The following MRPL58 variants were observed in gnomAD, a reference collection of about 807,000 sequenced individuals.
MRPL58 encodes mitochondrial ribosomal protein L58, also known as large ribosomal subunit protein mL62.
In MRPL58, 17 loss-of-function variants were observed where a neutral mutation model predicts 26.0. That is an observed-to-expected ratio of 0.65 (90% CI 0.45 to 0.98). The LOEUF (loss-of-function observed/expected upper bound fraction) is 0.98. Ranked by LOEUF, MRPL58 falls within the 50% of genes least tolerant of loss-of-function variation. The pLI is 0.00. For missense variants in MRPL58, 250 were observed against 269.0 expected (o/e 0.93, Z 0.49); for synonymous variants, 100 against 99.7 (o/e 1.00, Z -0.02).
chr17:75,018,099 T>G (rs1321926881), intron 2 of MRPL58, among the ~76,000 whole-genome samples: 1 of 152,202 alleles, frequency 6.6e-6, no homozygotes, highest in South Asian at 2.1e-4. Context: ...CTGTGCCGTG[T>G]GCCACGTGAG....
intron 1 of MRPL58, among the ~76,000 whole-genome samples, chr17:75,014,281 G>A (rs1412200565): frequency 6.9e-6 from 1 of 145,326 alleles, no homozygotes; most frequent in Non-Finnish European, 1.5e-5. Context: ...CGCCTCCCGG[G>A]TTCACGCCAT....
In MRPL58 at chr17:75,020,901, T is replaced by G. The variant is rs373121501; in HGVS notation, c.537-20T>G. On this transcript the variant is annotated intron_variant, in intron 5 of 5. Transcript: ENST00000301585. ...CACTGATTGGGCATCTGGGGCTAAT[T>G]GCAGTCTTTTTGTTTTCAGGATAGA... is the stretch of plus-strand genomic sequence containing the variant. 5 of 1,591,924 alleles carry G rather than the reference T, an allele frequency of 3.1e-6. No individual in the cohort carries two copies. In the African/African-American group the frequency reaches 5.4e-5, roughly 17 times the overall value.
In MRPL58 at chr17:75,021,225, C is replaced by T; in HGVS notation, c.*220C>T. 1 of 558,550 alleles carries T rather than the reference C, an allele frequency of 1.8e-6. No individual in the cohort carries two copies. Among genetic ancestry groups the T allele is most frequent in the Admixed American group, 3.1e-5 (1 of 32,136 alleles). The allele number at this position is 558,550 out of a possible 1,614,324, so 34.6% of individuals were successfully genotyped here. On this transcript the variant is annotated 3_prime_UTR_variant, in exon 6 of 6. Coordinates refer to ENST00000301585, the MANE Select transcript of MRPL58 (RefSeq NM_001545.3). ...ACCATGTTGTCAAACCTTAATAATG[C>T]ACCTCATGTATTAGTCACAATAAAA...
At chr17:75,020,778 G>A in intron 5 of MRPL58, 121 bp downstream of exon 5, 1 of 1,271,914 alleles carries the variant, frequency 7.9e-7, no homozygotes, top group Non-Finnish European at 1.1e-6. Context: ...GAAGAGGAGA[G>A]GATGCTGACC....
intron 2 of MRPL58, 79 bp from the exon 3 acceptor site, chr17:75,019,621 C>A: frequency 7.3e-7 from 1 of 1,375,894 alleles, no homozygotes; most frequent in Non-Finnish European, 1.0e-6. Context: ...ACCTTCCCTA[C>A]ATTCCTCAGA....
chr17:75,016,985 T>C, intron 1 of MRPL58, 93 bp from the exon 2 acceptor site: 2 of 910,988 alleles, frequency 2.2e-6, no homozygotes, highest in African/African-American at 1.6e-5. Flanking sequence ...AATGTTTGTG[T>C]TGTGGCTTTA....
rs1008677203 is a variant in MRPL58, at chr17:75,012,819, C to T, written c.133C>T (p.Leu45=). The T allele has an allele frequency of 3.1e-6, 5 of 1,612,526 alleles. No individual in the cohort carries two copies. Among genetic ancestry groups the T allele is most frequent in the Non-Finnish European group, 3.4e-6 (4 of 1,179,700 alleles). Residue 45 remains leucine (L), a synonymous_variant, in exon 1 of 6, where the codon CTG becomes TTG. Coordinates refer to ENST00000301585, the MANE Select transcript of MRPL58 (RefSeq NM_001545.3). The stretch of plus-strand genomic sequence containing the variant: ...CACTGAGTTCAAGAGCATCTACAGC[C>T]TGGACAAGCTCTACCCCGAATCTCA... ...DGTEFKSIYS[L]DKLYPESQGS...
chr17:75,014,178 CCTTTTTTTT>C (rs1470429035), intron 1 of MRPL58, among the ~76,000 whole-genome samples: 2,928 of 126,642 alleles, frequency 0.023, 78 homozygotes, highest in African/African-American at 0.083. Context: ...AAGTCTGGGG[CCTTTTTTTT>C]TTTTTTTTTT....
intron 1 of MRPL58, among the ~76,000 whole-genome samples, chr17:75,016,371 G>A (rs768503674): frequency 7.2e-5 from 11 of 151,932 alleles, no homozygotes; most frequent in Non-Finnish European, 7.4e-5. Context: ...AGCTGAGATC[G>A]CACTATTGTA....
chr17:75,020,982 A>C lies in MRPL58; in HGVS notation c.598A>C (p.Ser200Arg). The change falls in exon 6 of 6, where the codon AGC (serine) becomes CGC (arginine). Residue 200 changes from serine to arginine, a missense_variant. Ser to Arg is a moderately radical substitution (Grantham distance 110). Transcript: ENST00000301585. Reference protein sequence around the residue: ...QKRIHSAVKTSRRVDMD With the variant: ...QKRIHSAVKTRRRVDMD The stretch of plus-strand genomic sequence containing the variant: ...GAGAATTCATTCTGCTGTAAAGACA[A>C]GCAGGAGGGTCGACATGGACTGAAA... 4 of 1,613,910 alleles carry C rather than the reference A, an allele frequency of 2.5e-6. No individual in the cohort carries two copies. Among genetic ancestry groups the C allele is most frequent in the Non-Finnish European group, 3.4e-6 (4 of 1,179,750 alleles).
intron 2 of MRPL58, 121 bp downstream of exon 2, chr17:75,017,235 G>A: frequency 1.3e-6 from 1 of 753,772 alleles, no homozygotes; most frequent in South Asian, 1.4e-5. Flanking sequence ...AGGTTGCAGT[G>A]GGCCGAGTTT....
chr17:75,019,559 A>G (rs1367281555), intron 2 of MRPL58, 141 bp from the exon 3 acceptor site: 32 of 725,754 alleles, frequency 4.4e-5, no homozygotes, highest in Non-Finnish European at 6.8e-5. Flanking sequence ...GTGGTGCCAC[A>G]GTTCCTTGCC....
intron 2 of MRPL58, chr17:75,018,608 A>C (rs2039992431): frequency 6.6e-6 from 1 of 152,026 alleles, no homozygotes; most frequent in Non-Finnish European, 1.5e-5. Context: ...ATCTGAAAGG[A>C]ACACCCTGGA....
chr17:75,019,591 T>G, intron 2 of MRPL58, 109 bp from the exon 3 acceptor site: 4 of 1,086,950 alleles, frequency 3.7e-6, no homozygotes, highest in Non-Finnish European at 5.5e-6. Context: ...TTGCAGTTTT[T>G]GAAATTTTCC....
chr17:75,021,010 AC>A lies in MRPL58; in HGVS notation c.*8del. 1 of 1,607,664 alleles carries A rather than the reference AC, an allele frequency of 6.2e-7. No homozygotes were observed. The highest frequency in any genetic ancestry group is 8.5e-7 in the Non-Finnish European group (1 of 1,174,128). On this transcript the variant is annotated 3_prime_UTR_variant, in exon 6 of 6. Coordinates refer to ENST00000301585, the MANE Select transcript of MRPL58 (RefSeq NM_001545.3). ...AGGAGGGTCGACATGGACTGAAATC[AC>A]CCTCTGCAGCTGGGAGGGCTCTTCT...
At chr17:75,020,854 C>A in intron 5 of MRPL58, 67 bp from the exon 6 acceptor site, 1 of 1,376,730 alleles carries the variant, frequency 7.3e-7, no homozygotes, top group Non-Finnish European at 1.0e-6. Flanking sequence ...GAGCTCCCAA[C>A]TCCTCTCACC....
Position 75,019,718 on chromosome 17 carries a change from A to C in MRPL58, c.242A>C (p.Tyr81Ser), listed in dbSNP as rs750398890. 6.2e-7 allele frequency: 1 copy of C among 1,612,258 alleles called. No homozygotes were observed. The highest frequency in any genetic ancestry group is 8.5e-7 in the Non-Finnish European group (1 of 1,178,702). ...TTTACAGATCGCTTGACAATATCTTATTGTCGGAGTAGTGGTCCTGGGGGG... is the reference window on the plus strand; with the variant it reads ...TTTACAGATCGCTTGACAATATCTTCTTGTCGGAGTAGTGGTCCTGGGGGG... ...DIPLDRLTIS[Y>S]CRSSGPGGQN... is the part of the protein sequence containing the mutation. The change falls in exon 3 of 6, where the codon TAT becomes TCT. Residue 81 changes from tyrosine to serine, a missense_variant. Physicochemically the swap from Tyr to Ser is moderately radical, Grantham distance 144 (BLOSUM62 -2). Transcript: ENST00000301585.
chr17:75,020,096 GAGA>G (rs1404056345), intron 3 of MRPL58: 1 of 476,922 alleles, frequency 2.1e-6, no homozygotes, highest in Non-Finnish European at 3.7e-6. Flanking sequence ...AAAACTGTAA[GAGA>G]AGGACTGGGT....
chr17:75,016,527 A>G (rs1463348882), intron 1 of MRPL58, among the ~76,000 whole-genome samples: 1 of 152,184 alleles, frequency 6.6e-6, no homozygotes, highest in Non-Finnish European at 1.5e-5. Context: ...GGCCTTGTGG[A>G]TACAAAGATT....
Sources: gnomAD v4.1 joint callset for allele counts (sites outside exome capture counted in the v4.1 genomes callset) on GRCh38, gnomAD v4.1.1 for gene constraint, MANE v1.5 for transcripts, NCBI Gene and HGNC (gene_info 2026-07-23, HGNC 2026-07-21) for gene names.